AGAP1: variants seen among roughly 807,000 people sequenced by gnomAD.
AGAP1 encodes the protein arf-GAP with GTPase, ANK repeat and PH domain-containing protein 1.
A neutral mutation model predicts 105.3 loss-of-function variants in AGAP1; 29 were observed. That is an observed-to-expected ratio of 0.28 (90% CI 0.21 to 0.38). The LOEUF (loss-of-function observed/expected upper bound fraction) is 0.38. AGAP1 is among the 10% of genes least tolerant of loss of function. The pLI is 1.00. For synonymous variants in AGAP1, 509 were observed against 485.9 expected (o/e 1.05, Z -0.63); for missense variants, 998 against 1,165.1 (o/e 0.86, Z 2.09).
intron 13 of AGAP1, among the ~76,000 whole-genome samples, chr2:235,999,642 CGATGGTGAGAGGTGGTGGTGGTGAT>C (rs2056016694): frequency 7.5e-6 from 1 of 134,066 alleles, no homozygotes. Context: ...ATTGTGGTGA[CGATGGTGAGAGGTGGTGGTGGTGAT>C]GATGGTGGTG....
rs1261534705 is a variant in AGAP1 at position 235,830,602 on chromosome 2, G to A, written c.1050+23271G>A. 1.3e-5 allele frequency among the ~76,000 whole-genome samples: 2 copies of A among 151,456 alleles called. No individual in the cohort carries two copies. Among genetic ancestry groups the A allele is most frequent in the East Asian group, 1.9e-4 (1 of 5,134 alleles). On this transcript the variant is annotated intron_variant, in intron 9 of 17. Coordinates refer to ENST00000304032, the MANE Select transcript of AGAP1 (RefSeq NM_001037131.3). This position sits in a 1 kb window ranked among gnomAD's most constrained non-coding sequence, Gnocchi z 5.5. Reference sequence around the variant, plus strand: ...TGTGAGATACTTTGGGGGCTCAGGGGGCTTGGAGTTTATTTGTTGGGGGAA... The same window carrying A: ...TGTGAGATACTTTGGGGGCTCAGGGAGCTTGGAGTTTATTTGTTGGGGGAA...
chr2:235,761,120 G>A (rs1433542423), intron 6 of AGAP1, among the ~76,000 whole-genome samples: 1 of 152,130 alleles, frequency 6.6e-6, no homozygotes, highest in Non-Finnish European at 1.5e-5. Context: ...AGAAATAACA[G>A]GAAGAAATTA....
In AGAP1 at chr2:236,000,305, C is replaced by T. The variant is rs2056061217; in HGVS notation, c.1645+31682C>T. Among the ~76,000 whole-genome samples, 1 of 152,162 alleles carries T rather than the reference C, an allele frequency of 6.6e-6. No homozygotes were observed. Among genetic ancestry groups the T allele is most frequent in the African/African-American group, 2.4e-5 (1 of 41,454 alleles). ...TTTCCTTATCAGCATCATAATGAAA[C>T]AACGTGGGAGGAAACAAAGTTATTT... is the stretch of plus-strand genomic sequence containing the variant. On this transcript the variant is annotated intron_variant, in intron 13 of 17. Transcript: ENST00000304032. The surrounding 1 kb of genome is among the most constrained non-coding windows in gnomAD (Gnocchi z 4.3).
At chr2:236,065,764 C>G (rs564223382) in intron 16 of AGAP1, among the ~76,000 whole-genome samples, 1 of 152,310 alleles carries the variant, frequency 6.6e-6, no homozygotes, top group East Asian at 1.9e-4. Flanking sequence ...TCTGTGGCAC[C>G]CAGTTGGGCT....
At chr2:235,499,915 G>A (rs1941491409) in intron 1 of AGAP1, among the ~76,000 whole-genome samples, 1 of 152,136 alleles carries the variant, frequency 6.6e-6, no homozygotes, top group African/African-American at 2.4e-5. Flanking sequence ...ACTTGCCAGA[G>A]GGTCCTTTCC....
chr2:236,093,498 G>A (rs574756595), intron 16 of AGAP1, among the ~76,000 whole-genome samples: 5 of 152,238 alleles, frequency 3.3e-5, no homozygotes, highest in Admixed American at 3.3e-4. Flanking sequence ...AACACAATTG[G>A]GGGCATTTTC....
intron 1 of AGAP1, among the ~76,000 whole-genome samples, chr2:235,543,402 G>T (rs1291407213): frequency 6.6e-6 from 1 of 152,194 alleles, no homozygotes; most frequent in Non-Finnish European, 1.5e-5. Context: ...TGGAATTCTG[G>T]CTGATGGGCT....
rs913695564 is a variant in AGAP1 at position 235,664,217 on chromosome 2, GT to G, written c.164-44952del. On this transcript the variant is annotated intron_variant, in intron 1 of 17. Coordinates refer to ENST00000304032, the MANE Select transcript of AGAP1 (RefSeq NM_001037131.3). The surrounding 1 kb of genome is among the most constrained non-coding windows in gnomAD (Gnocchi z 5.7). ...ATTTTAATATATAGTTTGTTTTTTT[GT>G]TTTTTTTTTCGAGACGGAGTTTCAC... 2.0e-5 allele frequency among the ~76,000 whole-genome samples: 3 copies of G among 147,674 alleles called. No individual in the cohort carries two copies. Among genetic ancestry groups the G allele is most frequent in the Non-Finnish European group, 4.5e-5 (3 of 66,556 alleles).
At chr2:235,928,762 C>G (rs936549671) in intron 11 of AGAP1, among the ~76,000 whole-genome samples, 3 of 151,260 alleles carry the variant, frequency 2.0e-5, no homozygotes, top group Admixed American at 6.6e-5. Context: ...CACACAATAC[C>G]CAGAGGACAG....
intron 11 of AGAP1, among the ~76,000 whole-genome samples, chr2:235,916,325 C>A (rs1327285156): frequency 1.3e-5 from 2 of 152,210 alleles, no homozygotes; most frequent in Non-Finnish European, 2.9e-5. Flanking sequence ...TAATGAGGAT[C>A]CACCAGAAGC....
intron 1 of AGAP1, among the ~76,000 whole-genome samples, chr2:235,636,502 C>T (rs928375378): frequency 1.6e-4 from 25 of 152,162 alleles, no homozygotes; most frequent in Admixed American, 4.6e-4. Flanking sequence ...CTGTCAGGGA[C>T]GGCAGAGAAC....
chr2:235,878,968 G>C (rs2049879794), intron 9 of AGAP1, among the ~76,000 whole-genome samples: 1 of 152,236 alleles, frequency 6.6e-6, no homozygotes, highest in African/African-American at 2.4e-5. Flanking sequence ...GACCAAAAGT[G>C]TTGGGCTGGG....
At chr2:235,869,717 T>C (rs1034499703) in intron 9 of AGAP1, among the ~76,000 whole-genome samples, 1 of 152,266 alleles carries the variant, frequency 6.6e-6, no homozygotes, top group African/African-American at 2.4e-5. Context: ...TTCTTAGGGC[T>C]ACAGCGTCCA....
chr2:235,563,896 G>C (rs1944252156), intron 1 of AGAP1, among the ~76,000 whole-genome samples: 1 of 152,124 alleles, frequency 6.6e-6, no homozygotes, highest in South Asian at 2.1e-4. Context: ...GGCTCCAGCA[G>C]GTTAAGAAGC....
intron 1 of AGAP1, among the ~76,000 whole-genome samples, chr2:235,693,163 T>C (rs1484533662): frequency 6.6e-6 from 1 of 152,098 alleles, no homozygotes; most frequent in African/African-American, 2.4e-5. Context: ...CAGTGCCTCT[T>C]GAGCTCCCGC....
intron 9 of AGAP1, among the ~76,000 whole-genome samples, chr2:235,844,594 G>A (rs949027313): frequency 3.9e-5 from 6 of 151,986 alleles, no homozygotes; most frequent in Admixed American, 2.0e-4. Context: ...ACCTTCCCAC[G>A]AAGCTCCTGC....
intron 1 of AGAP1, among the ~76,000 whole-genome samples, chr2:235,528,071 CTT>C (rs1942909422): frequency 6.6e-6 from 1 of 152,290 alleles, no homozygotes; most frequent in Admixed American, 6.5e-5. Flanking sequence ...TCATTAGGCT[CTT>C]TGTGATGTTG....
rs890524124 is a variant in AGAP1, at chr2:235,600,859, T to C, written c.163+106010T>C. ...ACACACCCAGGATCAATACTTTGCA[T>C]CTTTCAATCCAGTCAGGTTGACACT... On this transcript the variant is annotated intron_variant, in intron 1 of 17. Transcript: ENST00000304032. The surrounding 1 kb of genome is among the most constrained non-coding windows in gnomAD (Gnocchi z 4.8). 6.6e-6 allele frequency among the ~76,000 whole-genome samples: 1 copy of C among 152,182 alleles called. No homozygotes were observed. The highest frequency in any genetic ancestry group is 1.5e-5 in the Non-Finnish European group (1 of 68,036).
rs1197391453 is a variant in AGAP1 at position 235,621,532 on chromosome 2, T to TG, written c.164-87646dup. Among the ~76,000 whole-genome samples the TG allele has an allele frequency of 1.3e-5, 2 of 152,164 alleles. No individual in the cohort carries two copies. The highest frequency in any genetic ancestry group is 2.9e-5 in the Non-Finnish European group (2 of 68,024). Reference sequence around the variant, plus strand: ...TGTCATGTGAATGTGTCAAGGGCCCTGTCACGTCTCTGAGCCGGCTTCTCT... The same window carrying TG: ...TGTCATGTGAATGTGTCAAGGGCCCTGGTCACGTCTCTGAGCCGGCTTCTCT... On this transcript the variant is annotated intron_variant, in intron 1 of 17. Transcript: ENST00000304032. This position sits in a 1 kb window ranked among gnomAD's most constrained non-coding sequence, Gnocchi z 4.1.
Sources: gnomAD v4.1 joint callset for allele counts (sites outside exome capture counted in the v4.1 genomes callset) on GRCh38, gnomAD v4.1.1 for gene constraint, Gnocchi (gnomAD v3.1) non-coding constraint, MANE v1.5 for transcripts, NCBI Gene and HGNC (gene_info 2026-07-23, HGNC 2026-07-21) for gene names.